DLG2: variants seen among roughly 807,000 people sequenced by gnomAD.
The protein encoded by DLG2 is discs large MAGUK scaffold protein 2.
DLG2 carries 45 observed loss-of-function variants against 132.5 expected under a neutral mutation model. The ratio of observed to expected loss-of-function variants is 0.34; its 90% CI spans 0.27 to 0.44. The LOEUF (loss-of-function observed/expected upper bound fraction) is 0.44, where lower values mean the gene tolerates loss of function less well. Ranked by LOEUF, DLG2 falls within the 20% of genes least tolerant of loss-of-function variation. The probability of loss-of-function intolerance (pLI) is 1.00; values close to 1 mark genes in which losing one functional copy is unlikely to be tolerated. For synonymous variants in DLG2, 424 were observed against 419.6 expected (o/e 1.01, Z -0.13); for missense variants, 1,045 against 1,196.9 (o/e 0.87, Z 1.87).
chr11:84,357,890 A>C (rs1237449376), intron 7 of DLG2, among the ~76,000 whole-genome samples: 1 of 151,972 alleles, frequency 6.6e-6, no homozygotes, highest in Non-Finnish European at 1.5e-5. Context: ...CTTAATGTAC[A>C]GGAGGGTTAT....
intron 3 of DLG2, among the ~76,000 whole-genome samples, chr11:85,346,028 G>A (rs879635529): frequency 5.3e-5 from 8 of 151,944 alleles, no homozygotes; most frequent in Non-Finnish European, 1.2e-4. Flanking sequence ...GTAAAAGCAA[G>A]TATATTAAGA....
chr11:85,578,344 G>C (rs1177317892), intron 3 of DLG2, among the ~76,000 whole-genome samples: 1 of 152,142 alleles, frequency 6.6e-6, no homozygotes, highest in African/African-American at 2.4e-5. Flanking sequence ...AATAATTCAT[G>C]ATAAAGATGC....
chr11:85,352,740 G>A (rs1424297731), intron 3 of DLG2, among the ~76,000 whole-genome samples: 2 of 152,130 alleles, frequency 1.3e-5, no homozygotes, highest in African/African-American at 2.4e-5. Flanking sequence ...ATCGGGAAAG[G>A]ATTCCCTATT....
At chr11:84,195,036 A>G (rs979850914) in intron 8 of DLG2, among the ~76,000 whole-genome samples, 1 of 152,174 alleles carries the variant, frequency 6.6e-6, no homozygotes, top group Non-Finnish European at 1.5e-5. Flanking sequence ...GGGCTCCCAC[A>G]GTGCAGTGGC....
intron 4 of DLG2, among the ~76,000 whole-genome samples, chr11:85,232,065 T>A (rs1299484463): frequency 1.3e-5 from 2 of 151,872 alleles, no homozygotes; most frequent in Non-Finnish European, 2.9e-5. Flanking sequence ...CCTTAGCAGC[T>A]GTAAGAGCCA....
chr11:84,074,890 G>A (rs1347680970), intron 10 of DLG2, among the ~76,000 whole-genome samples: 5 of 151,868 alleles, frequency 3.3e-5, no homozygotes, highest in Admixed American at 1.3e-4. Flanking sequence ...TAAGACCTAC[G>A]AGCTCTTCCT....
At chr11:84,458,649 A>G (rs545176633) in intron 7 of DLG2, among the ~76,000 whole-genome samples, 1 of 150,640 alleles carries the variant, frequency 6.6e-6, no homozygotes, top group Admixed American at 6.6e-5. Context: ...TGGCTTTTCT[A>G]CTTTTTCTAT....
chr11:84,800,713 A>G (rs917664137), intron 6 of DLG2: 4 of 152,176 alleles, frequency 2.6e-5, no homozygotes, highest in Non-Finnish European at 5.9e-5. Flanking sequence ...CTGTTTGTCT[A>G]ATTTATGGTT....
intron 4 of DLG2, among the ~76,000 whole-genome samples, chr11:85,201,693 C>T (rs944145037): frequency 3.3e-5 from 5 of 150,796 alleles, no homozygotes; most frequent in African/African-American, 9.8e-5. Flanking sequence ...GAAATTGTTA[C>T]ATCCACAAGC....
chr11:83,537,824 AAAAAAAAAAAAGAGAGAG>A (rs2095928947), intron 20 of DLG2, among the ~76,000 whole-genome samples: 2 of 144,020 alleles, frequency 1.4e-5, no homozygotes, highest in Admixed American at 6.8e-5. Flanking sequence ...AAAAAAAAAA[AAAAAAAAAAAAGAGAGAG>A]AGAGATACCA....
intron 2 of DLG2, among the ~76,000 whole-genome samples, chr11:85,606,650 G>A (rs970174721): frequency 1.3e-5 from 2 of 152,110 alleles, no homozygotes; most frequent in African/African-American, 2.4e-5. Flanking sequence ...TGGAAGCTTT[G>A]TTCTTTCGCT....
intron 8 of DLG2, among the ~76,000 whole-genome samples, chr11:84,240,612 G>A (rs980723965): frequency 2.0e-5 from 3 of 152,154 alleles, no homozygotes; most frequent in African/African-American, 7.2e-5. Context: ...ATTGATGGAG[G>A]CTTCCTGATG....
At chr11:85,164,479 A>C (rs547601519) in intron 4 of DLG2, among the ~76,000 whole-genome samples, 4 of 152,096 alleles carry the variant, frequency 2.6e-5, no homozygotes, top group Non-Finnish European at 5.9e-5. Flanking sequence ...TTATGTTTCC[A>C]CCGTTACTTC....
At chr11:83,520,848 C>T (rs1592383555) in intron 21 of DLG2, among the ~76,000 whole-genome samples, 1 of 152,086 alleles carries the variant, frequency 6.6e-6, no homozygotes, top group Non-Finnish European at 1.5e-5. Context: ...TAAGTTTAAC[C>T]CTCTTACATG....
chr11:83,472,276 G>A (rs2092138829), intron 23 of DLG2, among the ~76,000 whole-genome samples: 1 of 152,126 alleles, frequency 6.6e-6, no homozygotes, highest in Non-Finnish European at 1.5e-5. Flanking sequence ...TCTCTCTGCA[G>A]TATCCTTGTC....
chr11:84,431,663 G>T (rs1170423598), intron 7 of DLG2, among the ~76,000 whole-genome samples: 1 of 151,826 alleles, frequency 6.6e-6, no homozygotes, highest in East Asian at 1.9e-4. Context: ...ATAATACTCT[G>T]TATGAAAACT....
chr11:85,040,243 C>T (rs1372767951), intron 6 of DLG2, among the ~76,000 whole-genome samples: 2 of 151,918 alleles, frequency 1.3e-5, no homozygotes. Flanking sequence ...TAATTTTTAA[C>T]CACTTCTTGT....
At chr11:84,317,444 G>A in intron 7 of DLG2, 3 of 1,039,366 alleles carry the variant, frequency 2.9e-6, no homozygotes, top group South Asian at 2.7e-5. Flanking sequence ...TGGGCTACAA[G>A]ACTGTACACT....
At chr11:84,455,906 A>T (rs1289328032) in intron 7 of DLG2, among the ~76,000 whole-genome samples, 1 of 151,276 alleles carries the variant, frequency 6.6e-6, no homozygotes, top group East Asian at 2.0e-4. Context: ...GGCACAGCTC[A>T]AATTGCATTC....
Sources: gnomAD v4.1 joint callset for allele counts (sites outside exome capture counted in the v4.1 genomes callset) on GRCh38, gnomAD v4.1.1 for gene constraint, MANE v1.5 for transcripts, NCBI Gene and HGNC (gene_info 2026-07-23, HGNC 2026-07-21) for gene names.